Variants in ZNF263 observed in about 807,000 individuals in gnomAD.
The protein encoded by ZNF263 is zinc finger protein FPM315.
ZNF263 carries 49 observed loss-of-function variants against 63.1 expected under a neutral mutation model. The ratio of observed to expected loss-of-function variants is 0.78; its 90% CI spans 0.62 to 0.99. The LOEUF is 0.99. ZNF263 is among the 50% of genes least tolerant of loss of function. The probability of loss-of-function intolerance (pLI) is 0.00; values close to 1 mark genes in which losing one functional copy is unlikely to be tolerated. For synonymous variants in ZNF263, 352 were observed against 324.2 expected (o/e 1.09, Z -0.92); for missense variants, 872 against 854.8 (o/e 1.02, Z -0.25).
At chr16:3,289,193 C>T (rs1286968331) in intron 5 of ZNF263, among the ~76,000 whole-genome samples, 200 bp from the exon 6 acceptor site, 1 of 152,126 alleles carries the variant, frequency 6.6e-6, no homozygotes, top group Non-Finnish European at 1.5e-5. Flanking sequence ...AGACTGGTCT[C>T]GGCTCTGATT....
chr16:3,284,744 C>T (rs1212739863), intron 1 of ZNF263, among the ~76,000 whole-genome samples: 1 of 152,040 alleles, frequency 6.6e-6, no homozygotes, highest in African/African-American at 2.4e-5. Context: ...GTCATTGGTC[C>T]CCAGGGCTAC....
At chr16:3,295,928 T>C (rs1959734213), downstream of ZNF263, among the ~76,000 whole-genome samples, 1 of 152,168 alleles carries the variant, frequency 6.6e-6, no homozygotes, top group Non-Finnish European at 1.5e-5. Flanking sequence ...CCTTGACCTG[T>C]CTTTCCTGCT....
Position 3,291,137 on chromosome 16 carries a change from G to A in ZNF263, c.*579G>A, listed in dbSNP as rs1012351513. 1 of 986,226 alleles carries A rather than the reference G, an allele frequency of 1.0e-6. No individual in the cohort carries two copies. Among genetic ancestry groups the A allele is most frequent in the African/African-American group, 1.7e-5 (1 of 57,248 alleles). The allele number at this position is 986,226 out of a possible 1,614,324, so 61.1% of individuals were successfully genotyped here. A position where few individuals can be genotyped will look rare whatever the true frequency, so the allele number is the denominator to read the frequency against. On this transcript the variant is annotated 3_prime_UTR_variant, in exon 6 of 6. Transcript: ENST00000219069. ...GGCCTAACAGGAGTGCCCATTGGCA[G>A]ATTACACATGTAAATATGACCTCAG...
chr16:3,299,977 A>G (rs376296680), intron 2 of ZNF263: 1 of 1,613,982 alleles, frequency 6.2e-7, no homozygotes, highest in Non-Finnish European at 8.5e-7. Context: ...TGCACATAAA[A>G]AGGCAGACAA....
intron 3 of ZNF263, 132 bp from the exon 4 acceptor site, chr16:3,285,891 C>G (rs967181409): frequency 1.9e-6 from 3 of 1,549,198 alleles, no homozygotes; most frequent in African/African-American, 1.4e-5. Context: ...TCACACCTCA[C>G]TTGGAGGCCT....
In ZNF263 at chr16:3,291,052, C is replaced by T. The variant is rs977206069; in HGVS notation, c.*494C>T. On this transcript the variant is annotated 3_prime_UTR_variant, in exon 6 of 6. Transcript: ENST00000219069. ...GACTGGTTGTGAGTTGCAGCTGTCC[C>T]GAAGGCCCCAGTTGGGAAGCCATGG... 7 of 993,912 alleles carry T rather than the reference C, an allele frequency of 7.0e-6. No homozygotes were observed. Among genetic ancestry groups the T allele is most frequent in the Non-Finnish European group, 8.4e-6 (7 of 834,048 alleles). 61.6% of individuals were successfully genotyped at this position (993,912 alleles called of 1,614,324 possible). A position where few individuals can be genotyped will look rare whatever the true frequency, so the allele number is the denominator to read the frequency against.
chr16:3,290,000 C>G lies in ZNF263; in HGVS notation c.1494C>G (p.Ile498Met), dbSNP rs199706085. The stretch of plus-strand genomic sequence containing the variant: ...ACAAGTGCCCTGAGTGTGGGGAGAT[C>G]TTTGCTCACAGTTCCAACCTCCTTC... ...KPYKCPECGE[I>M]FAHSSNLLRH... The change falls in exon 6 of 6, where the codon ATC (isoleucine) becomes ATG (methionine). Residue 498 changes from isoleucine (I) to methionine (M), a missense_variant. Transcript: ENST00000219069. The G allele has an allele frequency of 6.2e-7, 1 of 1,613,922 alleles. No individual in the cohort carries two copies.
Position 3,290,098 on chromosome 16 carries a change from C to T in ZNF263, c.1592C>T (p.Ser531Leu), listed in dbSNP as rs1359329227. 6.2e-7 allele frequency: 1 copy of T among 1,614,104 alleles called. No individual in the cohort carries two copies. Residue 531 changes from serine (S) to leucine (L), a missense_variant, in exon 6 of 6, where the codon TCA becomes TTA. Transcript: ENST00000219069. ...TGTGGGAAAAGTTTCTCTCGGAGTT[C>T]ACACCTCGTCATTCACGAAAGAACT... Reference protein sequence around the residue: ...PECGKSFSRSSHLVIHERTHE... With the variant: ...PECGKSFSRSLHLVIHERTHE...
At chr16:3,285,899 C>G in intron 3 of ZNF263, 124 bp from the exon 4 acceptor site, 1 of 1,556,066 alleles carries the variant, frequency 6.4e-7, no homozygotes, top group African/African-American at 1.4e-5. Context: ...CACTTGGAGG[C>G]CTGATACCCT....
intron 5 of ZNF263, among the ~76,000 whole-genome samples, chr16:3,288,849 A>G (rs1283541732): frequency 1.3e-5 from 2 of 151,916 alleles, no homozygotes; most frequent in Non-Finnish European, 2.9e-5. Context: ...GTTTCTCCAT[A>G]TTGGTCAGGC....
At chr16:3,284,812 C>T (rs570478872) in intron 1 of ZNF263, among the ~76,000 whole-genome samples, 221 of 152,250 alleles carry the variant, frequency 1.5e-3, no homozygotes, top group Non-Finnish European at 2.4e-3. Context: ...GTGGGGAGAG[C>T]AAAAGGGAGT....
intron 1 of ZNF263, chr16:3,299,023 C>A: frequency 7.3e-7 from 1 of 1,376,980 alleles, no homozygotes; most frequent in Non-Finnish European, 9.4e-7. Flanking sequence ...ATTATGAGGC[C>A]TAGGTTTCAA....
At chr16:3,287,807 T>C (rs1959434504) in intron 4 of ZNF263, among the ~76,000 whole-genome samples, 1 of 152,068 alleles carries the variant, frequency 6.6e-6, no homozygotes. Context: ...TTTAGTTCTA[T>C]TTTGTATTTA....
At position 3,285,110 on chromosome 16, in the gene ZNF263, C is replaced by G. The variant is rs747562430; in HGVS notation, c.439C>G (p.Leu147Val). Reference sequence around the variant, plus strand: ...AGTGCTTTTGGAGGAGCCTTTGCCTCTGGAAACAGCACGAGAGTCACCGAG... The same window carrying G: ...AGTGCTTTTGGAGGAGCCTTTGCCTGTGGAAACAGCACGAGAGTCACCGAG... ...TEVLLEEPLP[L>V]ETARESPSFK... The change falls in exon 2 of 6, where the codon CTG becomes GTG. Residue 147 changes from leucine (L) to valine (V), a missense_variant. Coordinates refer to ENST00000219069, the MANE Select transcript of ZNF263 (RefSeq NM_005741.5). 4.3e-6 allele frequency: 7 copies of G among 1,614,168 alleles called. No individual in the cohort carries two copies. Among genetic ancestry groups the G allele is most frequent in the Non-Finnish European group, 5.9e-6 (7 of 1,180,036 alleles).
At chr16:3,285,988 C>T in intron 3 of ZNF263, 35 bp from the exon 4 acceptor site, 2 of 1,613,820 alleles carry the variant, frequency 1.2e-6, no homozygotes, top group South Asian at 1.1e-5. Context: ...GTTCTTGGTG[C>T]ATCAGGGGCT....
chr16:3,285,585 AG>A, intron 2 of ZNF263, 95 bp from the exon 3 acceptor site: 1 of 1,270,086 alleles, frequency 7.9e-7, no homozygotes, highest in Non-Finnish European at 1.1e-6. Context: ...CCAAAAGCAG[AG>A]GCTGGGTGTT....
At chr16:3,297,281 G>A (rs1241338879) in intron 1 of ZNF263, among the ~76,000 whole-genome samples, 2 of 137,408 alleles carry the variant, frequency 1.5e-5, no homozygotes, top group Admixed American at 7.4e-5. Context: ...GTGATACAGC[G>A]AGACTCCATC....
At chr16:3,288,998 G>A (rs1371853490) in intron 5 of ZNF263, among the ~76,000 whole-genome samples, 1 of 152,078 alleles carries the variant, frequency 6.6e-6, no homozygotes, top group Non-Finnish European at 1.5e-5. Context: ...CTGCTAGAGA[G>A]GTACATTACG....
In ZNF263 at chr16:3,289,928, C is replaced by T. The variant is rs771078487; in HGVS notation, c.1422C>T (p.Asn474=). The change falls in exon 6 of 6, where the codon AAC becomes AAT. Residue 474 remains asparagine, a synonymous_variant. Transcript: ENST00000219069. ...TTTGCGGAAAATGTTTCTCCTGCAA[C>T]TCCAACCTCCACAGGCACCAGAGAA... ...CNICGKCFSC[N]SNLHRHQRTH... is the part of the protein sequence containing the mutation. 2.7e-5 allele frequency: 43 copies of T among 1,614,078 alleles called. No individual in the cohort carries two copies. The highest frequency in any genetic ancestry group is 3.6e-5 in the Non-Finnish European group (42 of 1,180,058).
Sources: gnomAD v4.1 joint callset for allele counts (sites outside exome capture counted in the v4.1 genomes callset) on GRCh38, gnomAD v4.1.1 for gene constraint, MANE v1.5 for transcripts, NCBI Gene and HGNC (gene_info 2026-07-23, HGNC 2026-07-21) for gene names.